The following FMN2 variants were observed in gnomAD, a reference collection of about 807,000 sequenced individuals.
The protein encoded by FMN2 is formin 2, also known as formin-2.
Under a neutral mutation model 142.3 loss-of-function variants are expected in FMN2, and 51 were observed. The ratio of observed to expected loss-of-function variants is 0.36; its 90% CI spans 0.29 to 0.45. The LOEUF is 0.45. Ranked by LOEUF, FMN2 falls within the 20% of genes least tolerant of loss-of-function variation. FMN2 has a pLI of 1.00. For missense variants in FMN2, 1,936 were observed against 2,122.8 expected, an observed-to-expected ratio of 0.91 and a Z score of 1.73; for synonymous variants, 882 against 869.8, an observed-to-expected ratio of 1.01 and a Z score of -0.25.
chr1:240,113,523 A>C (rs909147813), intron 1 of FMN2, among the ~76,000 whole-genome samples: 8 of 132,544 alleles, frequency 6.0e-5, no homozygotes, highest in African/African-American at 2.4e-4. Context: ...ACGACACTGC[A>C]CTCCAGCCTG....
At chr1:240,266,099 A>G (rs1668792191) in intron 7 of FMN2, among the ~76,000 whole-genome samples, 2 of 149,100 alleles carry the variant, frequency 1.3e-5, no homozygotes, top group South Asian at 2.1e-4. Context: ...GGTATATTGC[A>G]TGATGCTAAG....
intron 7 of FMN2, among the ~76,000 whole-genome samples, chr1:240,289,326 C>T (rs186337837): frequency 3.6e-4 from 55 of 152,114 alleles, no homozygotes; most frequent in Non-Finnish European, 5.3e-4. Context: ...TAACACTGTT[C>T]CATAGCTTAA....
At chr1:240,286,305 CTG>C (rs1191489690) in intron 7 of FMN2, among the ~76,000 whole-genome samples, 4 of 152,166 alleles carry the variant, frequency 2.6e-5, no homozygotes, top group African/African-American at 9.7e-5. Flanking sequence ...ATTGTGATTG[CTG>C]TGTCTTTGTC....
At chr1:240,203,166 A>G (rs1426729570) in intron 4 of FMN2, among the ~76,000 whole-genome samples, 1 of 152,160 alleles carries the variant, frequency 6.6e-6, no homozygotes, top group Non-Finnish European at 1.5e-5. Context: ...TGTACTCACT[A>G]TCATCATACA....
chr1:240,471,982 C>T (rs911153254), intron 16 of FMN2: 20 of 163,148 alleles, frequency 1.2e-4, no homozygotes, highest in Non-Finnish European at 6.6e-5. Context: ...TTCTAACTTA[C>T]GTCATGGTGC....
intron 3 of FMN2, among the ~76,000 whole-genome samples, chr1:240,187,101 C>CA (rs1444770840): frequency 1.0e-4 from 13 of 129,556 alleles, no homozygotes; most frequent in African/African-American, 3.2e-4. Context: ...CCCGTCTGTA[C>CA]CAAAAAAAAA....
intron 2 of FMN2, among the ~76,000 whole-genome samples, chr1:240,149,394 T>C (rs762036173): frequency 3.9e-4 from 60 of 152,220 alleles, no homozygotes; most frequent in Non-Finnish European, 7.8e-4. Context: ...GTGCATAAAA[T>C]GAACAAGGTA....
At chr1:240,367,474 T>C (rs750832491) in intron 14 of FMN2, among the ~76,000 whole-genome samples, 86 of 152,266 alleles carry the variant, frequency 5.6e-4, no homozygotes, top group Admixed American at 1.6e-3. Flanking sequence ...TTTTTTGCCT[T>C]ATTTAAGAAA....
At chr1:240,180,568 T>TTCTTTC (rs763441411) in intron 3 of FMN2, among the ~76,000 whole-genome samples, 5 of 139,780 alleles carry the variant, frequency 3.6e-5, no homozygotes, top group Non-Finnish European at 7.8e-5. Context: ...CATGACCCCT[T>TTCTTTC]TTTTTTTTTT....
At chr1:240,144,879 C>A (rs777213430) in intron 2 of FMN2, 33 of 1,431,756 alleles carry the variant, frequency 2.3e-5, no homozygotes, top group Non-Finnish European at 2.7e-5. Context: ...TCCTTAGCCA[C>A]TTCTCCTGCC....
At chr1:240,451,921 TAA>T (rs1425818864) in intron 16 of FMN2, among the ~76,000 whole-genome samples, 2 of 151,932 alleles carry the variant, frequency 1.3e-5, no homozygotes, top group South Asian at 4.2e-4. Flanking sequence ...CTCTGAAAAA[TAA>T]AAAAACTTAA....
chr1:240,325,479 G>A (rs1671141236), intron 8 of FMN2, among the ~76,000 whole-genome samples: 2 of 151,916 alleles, frequency 1.3e-5, no homozygotes, highest in Admixed American at 6.6e-5. Flanking sequence ...GTGTATATAT[G>A]CATACAAACA....
intron 14 of FMN2, among the ~76,000 whole-genome samples, chr1:240,357,008 G>A (rs1206318209): frequency 2.6e-5 from 4 of 152,104 alleles, no homozygotes; most frequent in South Asian, 2.1e-4. Context: ...ATTCTTAACC[G>A]AAATCATTAG....
intron 1 of FMN2, among the ~76,000 whole-genome samples, chr1:240,108,443 A>G (rs2103189448): frequency 6.6e-6 from 1 of 152,264 alleles, no homozygotes; most frequent in Middle Eastern, 3.4e-3. Context: ...AATATGTGAT[A>G]TCTCTGTATT....
Position 240,474,159 on chromosome 1 carries a change from T to C in FMN2, c.*5T>C, listed in dbSNP as rs758322302. On this transcript the variant is annotated 3_prime_UTR_variant, in exon 18 of 18. Coordinates refer to ENST00000319653, the MANE Select transcript of FMN2 (RefSeq NM_020066.5). The stretch of plus-strand genomic sequence containing the variant: ...AAGATAAGCATGAAAACTTGAACAA[T>C]GAAAAGCAGAATGAAAATGAGTCAT... 1.3e-6 allele frequency: 2 copies of C among 1,551,366 alleles called. No individual in the cohort carries two copies. Among genetic ancestry groups the C allele is most frequent in the South Asian group, 1.3e-5 (1 of 79,952 alleles).
chr1:240,460,499 C>G (rs995795723), intron 16 of FMN2, among the ~76,000 whole-genome samples: 7 of 152,002 alleles, frequency 4.6e-5, no homozygotes, highest in African/African-American at 1.7e-4. Context: ...GGCTAAGGTA[C>G]AAGAATCGCT....
intron 4 of FMN2, among the ~76,000 whole-genome samples, chr1:240,200,895 T>C (rs1214080644): frequency 6.6e-6 from 1 of 152,194 alleles, no homozygotes; most frequent in Non-Finnish European, 1.5e-5. Context: ...ATCATCTTTA[T>C]GAATTTTTTG....
chr1:240,260,908 C>A (rs570746564), intron 7 of FMN2, among the ~76,000 whole-genome samples: 3 of 152,232 alleles, frequency 2.0e-5, no homozygotes, highest in Admixed American at 2.0e-4. Context: ...AGTCCTTGAC[C>A]CATCTTGAAT....
At position 240,234,628 on chromosome 1, in the gene FMN2, TTC is replaced by T. The variant is rs369765630; in HGVS notation, c.4066-23315_4066-23314del. 4.0e-4 allele frequency among the ~76,000 whole-genome samples: 61 copies of T among 152,242 alleles called. No individual in the cohort carries two copies. In the East Asian group the frequency reaches 0.011, roughly 28 times the overall value. On this transcript the variant is annotated intron_variant, in intron 6 of 17. Transcript: ENST00000319653. Reference sequence around the variant, plus strand: ...TGCTTTAGGAGATGTGTAAAAAACTTTCTGTCATCACCACCAACCCCCCCACT... The same window carrying T: ...TGCTTTAGGAGATGTGTAAAAAACTTTGTCATCACCACCAACCCCCCCACT...
Sources: allele counts gnomAD v4.1 joint callset (sites outside exome capture counted in the v4.1 genomes callset), GRCh38; gene constraint gnomAD v4.1.1; transcripts MANE v1.5; gene names NCBI Gene and HGNC (gene_info 2026-07-23, HGNC 2026-07-21).